The following PKM variants were observed in gnomAD, a reference collection of about 807,000 sequenced individuals.
PKM encodes the protein pyruvate kinase PKM.
In PKM, 18 loss-of-function variants were observed where a neutral mutation model predicts 49.8. The ratio of observed to expected loss-of-function variants is 0.36; its 90% CI spans 0.25 to 0.54. The LOEUF (loss-of-function observed/expected upper bound fraction) is 0.54. PKM is among the 20% of genes least tolerant of loss of function. PKM has a pLI of 0.89. For missense variants in PKM, 508 were observed against 713.8 expected (o/e 0.71, Z 3.28); for synonymous variants, 239 against 261.8 (o/e 0.91, Z 0.84).
intron 4 of PKM, 135 bp from the exon 5 acceptor site, chr15:72,209,994 T>C: frequency 3.8e-6 from 3 of 794,952 alleles, no homozygotes; most frequent in Non-Finnish European, 6.6e-6. Context: ...TTTTTTGCTC[T>C]TATTCTCTAA....
intron 8 of PKM, among the ~76,000 whole-genome samples, chr15:72,206,026 C>T (rs916138493): frequency 6.6e-5 from 10 of 152,210 alleles, no homozygotes; most frequent in Admixed American, 2.0e-4. Flanking sequence ...CTCCTCCAGA[C>T]GCTCAGTCCA....
intron 8 of PKM, 135 bp downstream of exon 8, chr15:72,206,593 G>C: frequency 1.2e-6 from 1 of 858,444 alleles, no homozygotes; most frequent in South Asian, 1.5e-5. Flanking sequence ...CCACCCTCTT[G>C]CTGCTGTAAC....
chr15:72,227,744 CAAAAAAAAAAAAAAAAAA>C (rs34876633), intron 1 of PKM, among the ~76,000 whole-genome samples: 510 of 10,822 alleles, frequency 0.047, 19 homozygotes, highest in African/African-American at 0.14. Context: ...AAAACTATCT[CAAAAAAAAAAAAAAAAAA>C]AAAAAAAAAA....
chr15:72,201,206 A>G (rs1033258387), intron 9 of PKM: 7 of 153,234 alleles, frequency 4.6e-5, no homozygotes, highest in African/African-American at 1.7e-4. Context: ...ACTGGGCTAT[A>G]AAGGCCCAGA....
At chr15:72,199,809 C>T in intron 10 of PKM, 53 bp from the exon 11 acceptor site, 2 of 1,230,730 alleles carry the variant, frequency 1.6e-6, no homozygotes, top group Non-Finnish European at 2.4e-6. Context: ...GGCAGGTTTG[C>T]ACCTGGGCAG....
Position 72,210,346 on chromosome 15 carries a change from C to T in PKM, c.378+1G>A. On this transcript the variant is annotated splice_donor_variant, in intron 4 of 10. Transcript: ENST00000335181. LOFTEE classifies it high-confidence loss of function. ...CCCCTCGCTCTCCGCAGAATACTCA[C>T]GCCCTTGATGAGCCCAGTTCGGATC... 2 of 1,614,030 alleles carry T rather than the reference C, an allele frequency of 1.2e-6. No individual in the cohort carries two copies. Among genetic ancestry groups the T allele is most frequent in the African/African-American group, 1.3e-5 (1 of 75,048 alleles).
chr15:72,226,395 T>C (rs1254341910), intron 1 of PKM, among the ~76,000 whole-genome samples: 1 of 152,142 alleles, frequency 6.6e-6, no homozygotes, highest in African/African-American at 2.4e-5. Context: ...CCAGGCGTGG[T>C]TGCGGTTGCC....
At chr15:72,228,683 CCCA>C in intron 1 of PKM, 2 of 1,250,018 alleles carry the variant, frequency 1.6e-6, no homozygotes, top group Non-Finnish European at 2.1e-6. Flanking sequence ...ATTTCCCTTC[CCCA>C]CAAGACAGCC....
At chr15:72,207,069 T>C in intron 7 of PKM, 58 bp downstream of exon 7, 1 of 1,598,670 alleles carries the variant, frequency 6.3e-7, no homozygotes, top group Non-Finnish European at 8.6e-7. Flanking sequence ...CCTCCAGAGC[T>C]TTCCCATACA....
intron 1 of PKM, among the ~76,000 whole-genome samples, chr15:72,226,087 TACA>T (rs1411439327): frequency 2.0e-5 from 3 of 152,236 alleles, no homozygotes; most frequent in African/African-American, 7.2e-5. Context: ...TTTCAACGTT[TACA>T]ACATCTCTAT....
In PKM at chr15:72,231,103, C is replaced by T; in HGVS notation, c.-14+13G>A. On this transcript the variant is annotated intron_variant, in intron 1 of 10. Transcript: ENST00000335181. ...TGGTGGGGACTGATGGCGTAGCCTC[C>T]TGCACCGCTCACCTCCGGCGCTGAC... is the stretch of plus-strand genomic sequence containing the variant. 1 of 408,784 alleles carries T rather than the reference C, an allele frequency of 2.4e-6. No homozygotes were observed. Among genetic ancestry groups the T allele is most frequent in the South Asian group, 1.9e-5 (1 of 51,996 alleles). 25.3% of individuals were successfully genotyped at this position (408,784 alleles called of 1,614,324 possible). A position where few individuals can be genotyped will look rare whatever the true frequency, so the allele number is the denominator to read the frequency against.
At chr15:72,221,182 G>C in intron 1 of PKM, 9 of 1,531,878 alleles carry the variant, frequency 5.9e-6, no homozygotes, top group Non-Finnish European at 7.9e-6. Flanking sequence ...GGTTCTCTGG[G>C]GTTGGGCTTC....
intron 5 of PKM, 26 bp downstream of exon 5, chr15:72,209,646 CA>C: frequency 6.2e-7 from 1 of 1,602,804 alleles, no homozygotes; most frequent in South Asian, 1.1e-5. Flanking sequence ...CTGTTTTAGA[CA>C]ACTGGACTCC....
At chr15:72,215,463 A>G (rs939408368) in intron 3 of PKM, among the ~76,000 whole-genome samples, 57 of 152,214 alleles carry the variant, frequency 3.7e-4, no homozygotes, top group African/African-American at 1.3e-3. Context: ...ACACAACCTC[A>G]TCTTGGTCTA....
upstream of PKM, chr15:72,231,329 G>A (rs1052851542): frequency 6.5e-6 from 1 of 154,970 alleles, no homozygotes; most frequent in Non-Finnish European, 1.4e-5. Flanking sequence ...GTCACCTTCA[G>A]GAGGAAGCGC....
chr15:72,203,213 G>C, intron 8 of PKM: 1 of 1,608,638 alleles, frequency 6.2e-7, no homozygotes, highest in Non-Finnish European at 8.5e-7. Flanking sequence ...GGAAGAGGGG[G>C]CAAGGAAGAG....
rs8192409 is a variant in PKM, at chr15:72,209,643, A to C, written c.565+30T>G. 136 of 1,598,198 alleles carry C rather than the reference A, an allele frequency of 8.5e-5. 1 individual carries two copies. In the Admixed American group the frequency reaches 2.3e-3, roughly 27 times the overall value. On this transcript the variant is annotated intron_variant, in intron 5 of 10. Coordinates refer to ENST00000335181, the MANE Select transcript of PKM (RefSeq NM_002654.6). ...AAGTTTAGAGACAAAAGACTGTTTT[A>C]GACAACTGGACTCCAGCTCCCATAC...
intron 1 of PKM, among the ~76,000 whole-genome samples, chr15:72,227,124 G>A (rs1003351371): frequency 6.6e-6 from 1 of 152,154 alleles, no homozygotes; most frequent in African/African-American, 2.4e-5. Context: ...CAAGCTCCCC[G>A]CAAGTATGGT....
intron 8 of PKM, chr15:72,206,376 G>C (rs2082078628): frequency 3.4e-6 from 1 of 292,406 alleles, no homozygotes; most frequent in Non-Finnish European, 6.6e-6. Context: ...CTGACTCTGA[G>C]GAAGAGGTAC....
Sources: gnomAD v4.1 joint callset for allele counts (sites outside exome capture counted in the v4.1 genomes callset) on GRCh38, gnomAD v4.1.1 for gene constraint, MANE v1.5 for transcripts, NCBI Gene and HGNC (gene_info 2026-07-23, HGNC 2026-07-21) for gene names.